SMARCA2: variants seen among roughly 807,000 people sequenced by gnomAD.
SMARCA2 encodes the protein SWI/SNF-related matrix-associated actin-dependent regulator of chromatin subfamily A member 2.
In SMARCA2, 61 loss-of-function variants were observed where a neutral mutation model predicts 199.8. That is an observed-to-expected ratio of 0.31 (90% CI 0.25 to 0.38). The LOEUF (loss-of-function observed/expected upper bound fraction) is 0.38, where lower values mean the gene tolerates loss of function less well. Ranked by LOEUF, SMARCA2 falls within the 10% of genes least tolerant of loss-of-function variation. SMARCA2 has a pLI of 1.00. For synonymous variants in SMARCA2, 935 were observed against 732.0 expected (o/e 1.28, Z -4.48); for missense variants, 1,344 against 2,012.2 (o/e 0.67, Z 6.35).
At chr9:2,066,046 A>T (rs1416589440) in intron 9 of SMARCA2, among the ~76,000 whole-genome samples, 1 of 152,230 alleles carries the variant, frequency 6.6e-6, no homozygotes, top group African/African-American at 2.4e-5. Flanking sequence ...AAATTACCCG[A>T]TTACCTATCT....
intron 27 of SMARCA2, among the ~76,000 whole-genome samples, chr9:2,154,893 CA>C (rs1825267281): frequency 6.6e-6 from 1 of 152,172 alleles, no homozygotes; most frequent in African/African-American, 2.4e-5. Flanking sequence ...CCCTGCTCAA[CA>C]GACAAGCGGA....
At chr9:2,109,635 G>T (rs991852972) in intron 23 of SMARCA2, among the ~76,000 whole-genome samples, 7 of 152,182 alleles carry the variant, frequency 4.6e-5, no homozygotes, top group Non-Finnish European at 8.8e-5. Context: ...TTTCTTGTGG[G>T]GGGGGTGGGG....
chr9:2,124,799 C>T (rs1048401688), intron 27 of SMARCA2, among the ~76,000 whole-genome samples: 14 of 152,150 alleles, frequency 9.2e-5, no homozygotes, highest in African/African-American at 2.7e-4. Context: ...CACTGAGGCC[C>T]GGGTGACTGT....
chr9:2,022,347 G>T (rs1818642599), intron 1 of SMARCA2, among the ~76,000 whole-genome samples: 2 of 152,188 alleles, frequency 1.3e-5, no homozygotes, highest in South Asian at 2.1e-4. Flanking sequence ...CAAAATTGAA[G>T]TTGTAGTCAG....
intron 27 of SMARCA2, among the ~76,000 whole-genome samples, chr9:2,150,878 A>G (rs1051483878): frequency 6.6e-6 from 1 of 151,402 alleles, no homozygotes; most frequent in Non-Finnish European, 1.5e-5. Context: ...TTGTTCCTCT[A>G]TGTGCATCTG....
intron 23 of SMARCA2, among the ~76,000 whole-genome samples, chr9:2,109,833 C>T (rs1306967827): frequency 1.3e-5 from 2 of 152,028 alleles, no homozygotes; most frequent in Non-Finnish European, 2.9e-5. Flanking sequence ...TGCTTTAATG[C>T]CTATTGGCAA....
intron 27 of SMARCA2, chr9:2,159,705 A>G: frequency 1.4e-6 from 2 of 1,409,952 alleles, no homozygotes; most frequent in Non-Finnish European, 1.9e-6. Flanking sequence ...AGCATGAAAC[A>G]GCAGATTTGA....
At chr9:2,063,341 G>A (rs914762666) in intron 9 of SMARCA2, among the ~76,000 whole-genome samples, 1 of 152,172 alleles carries the variant, frequency 6.6e-6, no homozygotes, top group Non-Finnish European at 1.5e-5. Flanking sequence ...AAGCTGATTT[G>A]ACACTTTGGA....
chr9:2,103,659 T>A (rs978358306), intron 22 of SMARCA2, among the ~76,000 whole-genome samples: 55 of 143,788 alleles, frequency 3.8e-4, no homozygotes, highest in African/African-American at 1.5e-3. Context: ...TGTGTGTGTG[T>A]GTGAGAGAGA....
chr9:2,061,861 A>G (rs957235157), intron 9 of SMARCA2, among the ~76,000 whole-genome samples: 1 of 152,248 alleles, frequency 6.6e-6, no homozygotes, highest in Non-Finnish European at 1.5e-5. Context: ...CTGTCTCATA[A>G]TTAAGGAGGA....
chr9:2,133,914 C>T (rs754080069), intron 27 of SMARCA2, among the ~76,000 whole-genome samples: 3 of 152,092 alleles, frequency 2.0e-5, no homozygotes, highest in East Asian at 3.9e-4. Context: ...GTTCAGATTC[C>T]GGTTCCATCT....
At chr9:2,107,856 A>C (rs1443671028) in intron 23 of SMARCA2, among the ~76,000 whole-genome samples, 1 of 152,078 alleles carries the variant, frequency 6.6e-6, no homozygotes, top group Admixed American at 6.5e-5. Context: ...TCACTGTGAC[A>C]CAGGTTTTGC....
At chr9:2,145,132 C>T (rs762140915) in intron 27 of SMARCA2, among the ~76,000 whole-genome samples, 1 of 152,030 alleles carries the variant, frequency 6.6e-6, no homozygotes, top group Non-Finnish European at 1.5e-5. Context: ...AAACCCATCT[C>T]TACTAACAAT....
intron 19 of SMARCA2, among the ~76,000 whole-genome samples, chr9:2,095,392 G>T (rs1287670173): frequency 6.6e-6 from 1 of 151,230 alleles, no homozygotes; most frequent in Non-Finnish European, 1.5e-5. Context: ...CCAAATTATA[G>T]AAAATTTTCA....
intron 8 of SMARCA2, among the ~76,000 whole-genome samples, chr9:2,059,140 C>A (rs2130355341): frequency 6.6e-6 from 1 of 152,132 alleles, no homozygotes; most frequent in South Asian, 2.1e-4. Context: ...GGAATTGGAC[C>A]TCAGAGCACA....
chr9:2,031,193 A>G (rs1819054668), intron 2 of SMARCA2, among the ~76,000 whole-genome samples: 1 of 152,158 alleles, frequency 6.6e-6, no homozygotes, highest in South Asian at 2.1e-4. Flanking sequence ...GGATATCCCT[A>G]TGACATTCTC....
At chr9:2,171,758 G>A (rs781374628) in intron 29 of SMARCA2, among the ~76,000 whole-genome samples, 5 of 152,162 alleles carry the variant, frequency 3.3e-5, no homozygotes, top group Non-Finnish European at 7.4e-5. Context: ...CTAGAAAGGA[G>A]GCCTTAGGGC....
chr9:2,133,478 T>C (rs1181356781), intron 27 of SMARCA2, among the ~76,000 whole-genome samples: 1 of 152,028 alleles, frequency 6.6e-6, no homozygotes, highest in Admixed American at 6.6e-5. Flanking sequence ...AGACAGGATG[T>C]CACTCAATTG....
rs558295593 is a variant in SMARCA2 at position 2,104,875 on chromosome 9, G to A, written c.3292+706G>A. ...GAAAGTATCAGCATTTATACACAAT[G>A]GAAGGGCATAAATATGGCATTCAAA... On this transcript the variant is annotated intron_variant, in intron 23 of 33. Transcript: ENST00000349721. This position sits in a 1 kb window ranked among gnomAD's most constrained non-coding sequence, Gnocchi z 4.0. Among the ~76,000 whole-genome samples the A allele has an allele frequency of 9.1e-4, 139 of 152,266 alleles. No individual in the cohort carries two copies. The highest frequency in any genetic ancestry group is 3.4e-3 in the Middle Eastern group (1 of 294).
Sources: gnomAD v4.1 joint callset for allele counts (sites outside exome capture counted in the v4.1 genomes callset) on GRCh38, gnomAD v4.1.1 for gene constraint, Gnocchi (gnomAD v3.1) non-coding constraint, MANE v1.5 for transcripts, NCBI Gene and HGNC (gene_info 2026-07-23, HGNC 2026-07-21) for gene names.